TMEM63C: variants seen among roughly 807,000 people sequenced by gnomAD.
TMEM63C encodes transmembrane protein 63C, also known as osmosensitive cation channel TMEM63C.
In TMEM63C, 32 loss-of-function variants were observed where a neutral mutation model predicts 99.2. That is an observed-to-expected ratio of 0.32 (90% CI 0.24 to 0.43). The LOEUF (loss-of-function observed/expected upper bound fraction) is 0.43. TMEM63C is among the 20% of genes least tolerant of loss of function. The pLI, the probability that TMEM63C is intolerant of heterozygous loss-of-function variation, is 1.00. For missense variants in TMEM63C, 826 were observed against 1,053.0 expected, an observed-to-expected ratio of 0.78 and a Z score of 2.98; for synonymous variants, 376 against 397.9, an observed-to-expected ratio of 0.94 and a Z score of 0.66.
chr14:77,248,373 C>G lies in TMEM63C; in HGVS notation c.1628C>G (p.Ala543Gly). Residue 543 changes from alanine to glycine, a missense_variant, in exon 19 of 24, where the codon GCC becomes GGC. Transcript: ENST00000298351. Reference protein sequence around the residue: ...FQCVFLPDNGAFFVNYVITAA... With the variant: ...FQCVFLPDNGGFFVNYVITAA... ...TGTGTGTTCCTGCCAGACAACGGCGCCTTCTTTGTCAACTACGTGATCACG... is the reference window on the plus strand; with the variant it reads ...TGTGTGTTCCTGCCAGACAACGGCGGCTTCTTTGTCAACTACGTGATCACG... The G allele has an allele frequency of 6.2e-7, 1 of 1,611,602 alleles. No homozygotes were observed. The highest frequency in any genetic ancestry group is 1.3e-5 in the African/African-American group (1 of 74,948).
At chr14:77,199,727 A>G (rs908241600) in intron 1 of TMEM63C, among the ~76,000 whole-genome samples, 2 of 151,774 alleles carry the variant, frequency 1.3e-5, no homozygotes, top group Non-Finnish European at 2.9e-5. Context: ...TTGTGTCTCC[A>G]CCTGGCTGGA....
At chr14:77,239,536 A>G in intron 11 of TMEM63C, 44 bp downstream of exon 11, 1 of 1,612,304 alleles carries the variant, frequency 6.2e-7, no homozygotes, top group Non-Finnish European at 8.5e-7. Flanking sequence ...GTGGGGGTAA[A>G]AGGGGAGGAT....
rs1889189057 is a variant in TMEM63C at position 77,242,207 on chromosome 14, G to A, written c.1065-140G>A. The A allele has an allele frequency of 5.3e-6, 5 of 950,930 alleles. No homozygotes were observed. The South Asian group carries it at 8.0e-5, about 15-fold the overall frequency. The allele number at this position is 950,930 out of a possible 1,614,324, so 58.9% of individuals were successfully genotyped here. A position where few individuals can be genotyped will look rare whatever the true frequency, so the allele number is the denominator to read the frequency against. Reference sequence around the variant, plus strand: ...CTAAGGTCCTGAAGACATATCCAAGGCTTCAAGAATCCCCAGGAAGGGGAT... The same window carrying A: ...CTAAGGTCCTGAAGACATATCCAAGACTTCAAGAATCCCCAGGAAGGGGAT... On this transcript the variant is annotated intron_variant, in intron 13 of 23. Coordinates refer to ENST00000298351, the MANE Select transcript of TMEM63C (RefSeq NM_020431.4).
intron 12 of TMEM63C, among the ~76,000 whole-genome samples, chr14:77,240,215 G>A (rs552729508): frequency 6.6e-6 from 1 of 152,198 alleles, no homozygotes; most frequent in East Asian, 1.9e-4. Context: ...CACCTCTCTG[G>A]GGTCCACCCC....
intron 21 of TMEM63C, among the ~76,000 whole-genome samples, chr14:77,251,303 A>T (rs1474694473): frequency 6.6e-6 from 1 of 152,200 alleles, no homozygotes; most frequent in Non-Finnish European, 1.5e-5. Flanking sequence ...TAGTTAGAAA[A>T]CTGCTGCCGT....
In TMEM63C at chr14:77,242,352, G is replaced by A. The variant is rs201848457; in HGVS notation, c.1070G>A (p.Arg357His). 1.6e-5 allele frequency: 26 copies of A among 1,602,670 alleles called. No individual in the cohort carries two copies. The highest frequency in any genetic ancestry group is 1.7e-4 in the Middle Eastern group (1 of 6,036). The change falls in exon 14 of 24, where the codon CGT becomes CAT. Residue 357 changes from arginine to histidine, a missense_variant. Coordinates refer to ENST00000298351, the MANE Select transcript of TMEM63C (RefSeq NM_020431.4). Reference sequence around the variant, plus strand: ...CTCTTCTCCCCTCTCTGCAGTGTCCGTAAGGATTACAAGTATGTCCAGTGT... The same window carrying A: ...CTCTTCTCCCCTCTCTGCAGTGTCCATAAGGATTACAAGTATGTCCAGTGT... ...FQDSRMAKRV[R>H]KDYKYVQCGV...
intron 1 of TMEM63C, among the ~76,000 whole-genome samples, chr14:77,184,605 G>A (rs912971793): frequency 6.6e-6 from 1 of 152,234 alleles, no homozygotes; most frequent in African/African-American, 2.4e-5. Flanking sequence ...TGTAATGAAA[G>A]TGCTCAGAGG....
At chr14:77,253,719 G>C (rs145239440) in intron 23 of TMEM63C, among the ~76,000 whole-genome samples, 5 of 152,354 alleles carry the variant, frequency 3.3e-5, no homozygotes, top group South Asian at 2.1e-4. Flanking sequence ...GGGACCAAAG[G>C]CTGCCCCTGA....
chr14:77,245,344 T>C (rs1264976007), intron 16 of TMEM63C, among the ~76,000 whole-genome samples: 1 of 152,224 alleles, frequency 6.6e-6, no homozygotes, highest in Non-Finnish European at 1.5e-5. Flanking sequence ...TGTATGGAGA[T>C]GGCATCGGTA....
intron 9 of TMEM63C, 105 bp from the exon 10 acceptor site, chr14:77,238,589 C>A (rs1889103010): frequency 4.6e-6 from 4 of 878,910 alleles, no homozygotes; most frequent in South Asian, 3.1e-5. Flanking sequence ...GCATCAGCAG[C>A]CTGCTGTGAG....
chr14:77,198,449 C>T (rs759524456), intron 1 of TMEM63C, among the ~76,000 whole-genome samples: 2 of 152,190 alleles, frequency 1.3e-5, no homozygotes, highest in Non-Finnish European at 2.9e-5. Flanking sequence ...TGTATTTTCC[C>T]GTCTGTGAAA....
intron 1 of TMEM63C, among the ~76,000 whole-genome samples, chr14:77,202,841 ACACACACACACACACACACACACACG>A (rs1365070771): frequency 2.3e-5 from 2 of 86,608 alleles, no homozygotes; most frequent in Non-Finnish European, 5.6e-5. Context: ...ACACACACAC[ACACACACACACACACACACACACACG>A]CACACACACC....
chr14:77,212,510 A>G (rs954067208), intron 1 of TMEM63C, among the ~76,000 whole-genome samples: 1 of 152,178 alleles, frequency 6.6e-6, no homozygotes, highest in African/African-American at 2.4e-5. Context: ...CATTCTTTCC[A>G]GTGCTGGTGC....
At chr14:77,243,803 TGCACACACACGCAC>T (rs1385995619) in intron 15 of TMEM63C, among the ~76,000 whole-genome samples, 4 of 151,996 alleles carry the variant, frequency 2.6e-5, no homozygotes, top group Non-Finnish European at 5.9e-5. Context: ...CACACACGCA[TGCACACACACGCAC>T]ACATGCACAG....
chr14:77,234,270 C>T (rs1303590007), intron 8 of TMEM63C, among the ~76,000 whole-genome samples: 2 of 151,970 alleles, frequency 1.3e-5, no homozygotes, highest in Non-Finnish European at 2.9e-5. Context: ...TATCCCTCTG[C>T]CCCTGCTCTC....
intron 1 of TMEM63C, among the ~76,000 whole-genome samples, chr14:77,199,866 G>C (rs745719465): frequency 2.0e-5 from 3 of 152,200 alleles, no homozygotes; most frequent in Non-Finnish European, 2.9e-5. Flanking sequence ...CTCAGACAAC[G>C]AAGGCAGAAG....
intron 1 of TMEM63C, among the ~76,000 whole-genome samples, chr14:77,186,018 G>GTT (rs562947405): frequency 1.2e-4 from 17 of 145,646 alleles, no homozygotes; most frequent in South Asian, 6.6e-4. Flanking sequence ...TGTTGTTGTT[G>GTT]TTTTTTTTTT....
chr14:77,256,817 T>C lies in TMEM63C; in HGVS notation c.*91T>C. The C allele has an allele frequency of 8.2e-7, 1 of 1,215,228 alleles. No individual in the cohort carries two copies. Among genetic ancestry groups the C allele is most frequent in the Admixed American group, 2.1e-5 (1 of 46,828 alleles). 75.3% of individuals were successfully genotyped at this position (1,215,228 alleles called of 1,614,324 possible). On this transcript the variant is annotated 3_prime_UTR_variant, in exon 24 of 24. Transcript: ENST00000298351. ...AGGAGGGTGGCCTGGACCTCCCCAC[T>C]ACCTCCTGCAGACTTTGAGAAGCCC...
chr14:77,252,995 G>A lies in TMEM63C; in HGVS notation c.2149-310G>A, dbSNP rs576249142. Among the ~76,000 whole-genome samples the A allele has an allele frequency of 3.9e-5, 6 of 152,372 alleles. No homozygotes were observed. The East Asian group carries it at 7.7e-4, about 20-fold the overall frequency. ...GAGGGGAAGCCACAGGAGGAAAGAC[G>A]ACAGTGCTGAAGTCAAGGCTTCTCC... On this transcript the variant is annotated intron_variant, in intron 22 of 23. Transcript: ENST00000298351.
Sources: allele counts gnomAD v4.1 joint callset (sites outside exome capture counted in the v4.1 genomes callset), GRCh38; gene constraint gnomAD v4.1.1; transcripts MANE v1.5; gene names NCBI Gene and HGNC (gene_info 2026-07-23, HGNC 2026-07-21).